Variants in GSTT4 observed in about 807,000 individuals in gnomAD.
GSTT4 encodes glutathione S-transferase theta-4.
chr22:23,990,100 T>C, the GSTT4 span, among the ~76,000 whole-genome samples: 4 of 148,290 alleles, frequency 2.7e-5, no homozygotes, highest in African/African-American at 7.3e-5. Context: ...CTCCACTGAA[T>C]TGTGCTCCAG....
chr22:23,998,885 A>G (rs2034165145), intron 4 of GSTT4, 146 bp from the exon 5 acceptor site: 1 of 152,894 alleles, frequency 6.5e-6, no homozygotes, highest in Non-Finnish European at 1.5e-5. Flanking sequence ...AAGGGGTCAC[A>G]GACTATGTAA....
chr22:23,994,620 A>C (rs181561823), downstream of GSTT4, among the ~76,000 whole-genome samples: 152 of 146,838 alleles, frequency 1.0e-3, 2 homozygotes, highest in East Asian at 0.027. Flanking sequence ...TTATGGCTGA[A>C]TAATATTCAA....
chr22:23,996,194 G>A (rs1057020618), downstream of GSTT4, among the ~76,000 whole-genome samples: 4 of 152,016 alleles, frequency 2.6e-5, no homozygotes, highest in Admixed American at 2.0e-4. Flanking sequence ...TGCCCGCCTT[G>A]GCCTCCCAAA....
chr22:24,001,613 TC>T (rs2034232565), intron 2 of GSTT4, among the ~76,000 whole-genome samples: 1 of 152,252 alleles, frequency 6.6e-6, no homozygotes, highest in Admixed American at 6.5e-5. Flanking sequence ...GATCACTTGA[TC>T]CCAGGAATTT....
chr22:23,994,851 T>C (rs1377149419), downstream of GSTT4, among the ~76,000 whole-genome samples: 1 of 152,066 alleles, frequency 6.6e-6, no homozygotes. Flanking sequence ...CTGCCTCTCA[T>C]TCATATGCTA....
At chr22:23,998,806 A>G (rs1425607779) in intron 4 of GSTT4, 67 bp from the exon 5 acceptor site, 2 of 154,876 alleles carry the variant, frequency 1.3e-5, no homozygotes, top group African/African-American at 4.8e-5. Flanking sequence ...CCTCTCCCAC[A>G]GCCTCAGGCC....
At chr22:23,995,904 T>A (rs1023238029), downstream of GSTT4, among the ~76,000 whole-genome samples, 3 of 152,192 alleles carry the variant, frequency 2.0e-5, no homozygotes, top group African/African-American at 7.2e-5. Flanking sequence ...TGTATACTAT[T>A]GATTTTTGTG....
At chr22:23,998,010 C>A (rs905276563), downstream of GSTT4, among the ~76,000 whole-genome samples, 18 of 152,292 alleles carry the variant, frequency 1.2e-4, no homozygotes, top group South Asian at 2.1e-3. Context: ...TAACTTTATT[C>A]CACTGTGTCC....
downstream of GSTT4, among the ~76,000 whole-genome samples, chr22:23,994,918 T>G (rs2034100933): frequency 6.6e-6 from 1 of 152,116 alleles, no homozygotes; most frequent in Non-Finnish European, 1.5e-5. Context: ...ATACTACTAC[T>G]CATCAGGGTG....
the GSTT4 span, among the ~76,000 whole-genome samples, chr22:23,992,962 G>C: frequency 1.7e-5 from 2 of 114,866 alleles, no homozygotes; most frequent in Non-Finnish European, 4.1e-5. Context: ...TTGTAGAGAC[G>C]GGGTCGCACT....
the GSTT4 span, among the ~76,000 whole-genome samples, chr22:23,990,657 C>T: frequency 0.27 from 11,266 of 41,204 alleles, 2,416 homozygotes; most frequent in Middle Eastern, 0.51. Flanking sequence ...AATAAATAAA[C>T]AAACAAACAA....
At chr22:23,999,937 G>A (rs887116815) in intron 4 of GSTT4, 138 bp downstream of exon 4, 5,808 of 153,876 alleles carry the variant, frequency 0.038, 282 homozygotes, top group East Asian at 0.22. Flanking sequence ...AGGCCCCCAG[G>A]CCTGGTTCCC....
chr22:24,001,771 A>G (rs2034235839), intron 2 of GSTT4, among the ~76,000 whole-genome samples: 1 of 152,278 alleles, frequency 6.6e-6, no homozygotes, highest in Non-Finnish European at 1.5e-5. Context: ...AGATCCCTTG[A>G]GGCCAGGAGT....
intron 4 of GSTT4, 56 bp from the exon 5 acceptor site, chr22:23,998,795 TC>T (rs1448558220): frequency 3.9e-5 from 6 of 154,852 alleles, no homozygotes; most frequent in Non-Finnish European, 7.3e-5. Context: ...CCCACCTGGG[TC>T]CTCTCCCACA....
At chr22:23,997,987 T>A (rs536861185), downstream of GSTT4, among the ~76,000 whole-genome samples, 2 of 152,366 alleles carry the variant, frequency 1.3e-5, no homozygotes, top group South Asian at 2.1e-4. Context: ...GTTTTCCTTC[T>A]GTTCTTGATT....
chr22:24,004,564 T>TG (rs2034309311), intron 1 of GSTT4: 1 of 153,212 alleles, frequency 6.5e-6, no homozygotes, highest in African/African-American at 2.4e-5. Context: ...TTCTCAACAC[T>TG]GGGGAGGATG....
chr22:23,990,794 T>C, the GSTT4 span, among the ~76,000 whole-genome samples: 1 of 98,302 alleles, frequency 1.0e-5, no homozygotes, highest in Admixed American at 1.1e-4. Flanking sequence ...TTCCCTACCC[T>C]CGTTCTGTGC....
At chr22:23,992,253 G>A in the GSTT4 span, among the ~76,000 whole-genome samples, 2 of 142,080 alleles carry the variant, frequency 1.4e-5, no homozygotes, top group South Asian at 4.8e-4. Flanking sequence ...TCTAGCTAAC[G>A]CCTCCCCGAG....
the GSTT4 span, among the ~76,000 whole-genome samples, chr22:23,993,241 T>G: frequency 6.6e-6 from 1 of 152,100 alleles, no homozygotes; most frequent in Admixed American, 6.5e-5. Context: ...TCTCTCTTGT[T>G]TTTTAGAGAC....
Sources: gnomAD v4.1 joint callset for allele counts (sites outside exome capture counted in the v4.1 genomes callset) on GRCh38, gnomAD v4.1.1 for gene constraint, MANE v1.5 for transcripts, NCBI Gene and HGNC (gene_info 2026-07-23, HGNC 2026-07-21) for gene names.